Variants in ADAM32 observed in about 807,000 individuals in gnomAD.
The protein encoded by ADAM32 is ADAM metallopeptidase domain 32.
Under a neutral mutation model 114.9 loss-of-function variants are expected in ADAM32, and 89 were observed. The observed-to-expected ratio is 0.77, with a 90% CI of 0.65 to 0.92. The LOEUF is 0.92. ADAM32 is among the 40% of genes least tolerant of loss of function. ADAM32 has a pLI of 0.00. For synonymous variants in ADAM32, 285 were observed against 307.5 expected, an observed-to-expected ratio of 0.93 and a Z score of 0.77; for missense variants, 870 against 932.8, an observed-to-expected ratio of 0.93 and a Z score of 0.88.
intron 3 of ADAM32, among the ~76,000 whole-genome samples, chr8:39,139,572 C>T (rs1803016772): frequency 2.0e-5 from 3 of 152,172 alleles, no homozygotes; most frequent in Admixed American, 1.3e-4. Context: ...ATTTTGGTTA[C>T]TGTAGCCTTG....
chr8:39,226,025 C>T (rs1809345289), intron 14 of ADAM32, among the ~76,000 whole-genome samples: 1 of 151,876 alleles, frequency 6.6e-6, no homozygotes, highest in Admixed American at 6.6e-5. Context: ...TTCAAAAGAA[C>T]ACAGAGAAAC....
At chr8:39,268,738 A>T (rs959886709) in intron 19 of ADAM32, among the ~76,000 whole-genome samples, 2 of 152,156 alleles carry the variant, frequency 1.3e-5, no homozygotes, top group African/African-American at 2.4e-5. Flanking sequence ...TTGCCTTTAG[A>T]TCTATATCTA....
At chr8:39,227,886 G>A (rs1809489526) in intron 14 of ADAM32, among the ~76,000 whole-genome samples, 1 of 152,088 alleles carries the variant, frequency 6.6e-6, no homozygotes, top group African/African-American at 2.4e-5. Flanking sequence ...ACAAAAATAG[G>A]GCATTAAGCC....
At position 39,257,177 on chromosome 8, in the gene ADAM32, C is replaced by A. The variant is rs765308807; in HGVS notation, c.2006-10C>A. ...TTTTTGTTTTTTTTTTTTTGTATTT[C>A]TGTTTTTAGGTTCAATCATGGAAAG... On this transcript the variant is annotated splice_polypyrimidine_tract_variant and intron_variant, in intron 18 of 24. Coordinates refer to ENST00000379907, the MANE Select transcript of ADAM32 (RefSeq NM_145004.7). 5.2e-6 allele frequency: 7 copies of A among 1,347,412 alleles called. No individual in the cohort carries two copies. The highest frequency in any genetic ancestry group is 2.2e-5 in the South Asian group (1 of 46,128). The allele number at this position is 1,347,412 out of a possible 1,614,324, so 83.5% of individuals were successfully genotyped here. A position where few individuals can be genotyped will look rare whatever the true frequency, so the allele number is the denominator to read the frequency against.
intron 1 of ADAM32, chr8:39,108,063 T>G: frequency 8.1e-6 from 4 of 496,714 alleles, no homozygotes; most frequent in South Asian, 1.1e-4. Context: ...GCGAGCTGAT[T>G]GTTTGACCTC....
intron 6 of ADAM32, among the ~76,000 whole-genome samples, chr8:39,157,128 C>T (rs1804198981): frequency 6.6e-6 from 1 of 152,122 alleles, no homozygotes; most frequent in Non-Finnish European, 1.5e-5. Context: ...CCTCTGGCCT[C>T]CCTGGTTTCT....
chr8:39,258,784 C>T (rs549811028), intron 19 of ADAM32, among the ~76,000 whole-genome samples: 1 of 152,224 alleles, frequency 6.6e-6, no homozygotes, highest in Admixed American at 6.5e-5. Flanking sequence ...GTAAAATTTT[C>T]AGTGGGTTGT....
chr8:39,170,282 T>A (rs1267717435), intron 10 of ADAM32, among the ~76,000 whole-genome samples: 4 of 152,156 alleles, frequency 2.6e-5, no homozygotes, highest in African/African-American at 7.2e-5. Context: ...GTAAAATTTC[T>A]ATAACCCAAA....
At chr8:39,218,914 A>G (rs181861459) in intron 12 of ADAM32, among the ~76,000 whole-genome samples, 1 of 152,260 alleles carries the variant, frequency 6.6e-6, no homozygotes, top group East Asian at 1.9e-4. Context: ...CTCCAGGCCT[A>G]CAGCATACTA....
At chr8:39,206,439 G>T (rs559743702) in intron 11 of ADAM32, among the ~76,000 whole-genome samples, 1 of 152,198 alleles carries the variant, frequency 6.6e-6, no homozygotes, top group Non-Finnish European at 1.5e-5. Flanking sequence ...GTCTGCATGG[G>T]CACTGAAGTC....
chr8:39,147,208 A>G lies in ADAM32; in HGVS notation c.276+3A>G, dbSNP rs775570439. On this transcript the variant is annotated splice_donor_region_variant and intron_variant, in intron 4 of 24. Transcript: ENST00000379907. ...ATACTTATTCTTCAGATATTCAGGT[A>G]AGATTTAAATTCTGTGTTTTATAGT... The G allele has an allele frequency of 1.0e-5, 10 of 1,001,584 alleles. No individual in the cohort carries two copies. The South Asian group carries it at 2.8e-4, about 28-fold the overall frequency. 62.0% of individuals were successfully genotyped at this position (1,001,584 alleles called of 1,614,324 possible). A position where few individuals can be genotyped will look rare whatever the true frequency, so the allele number is the denominator to read the frequency against.
At chr8:39,122,111 A>T (rs1300201832) in intron 2 of ADAM32, among the ~76,000 whole-genome samples, 1 of 152,182 alleles carries the variant, frequency 6.6e-6, no homozygotes, top group African/African-American at 2.4e-5. Context: ...ATGAGTCATA[A>T]CTTGTATCTC....
intron 19 of ADAM32, among the ~76,000 whole-genome samples, chr8:39,267,540 T>C (rs1812444010): frequency 6.6e-6 from 1 of 152,196 alleles, no homozygotes; most frequent in South Asian, 2.1e-4. Context: ...AATGAAGCTG[T>C]TGTGAACCGC....
At chr8:39,191,832 T>C (rs1806633670) in intron 11 of ADAM32, among the ~76,000 whole-genome samples, 1 of 152,194 alleles carries the variant, frequency 6.6e-6, no homozygotes, top group Non-Finnish European at 1.5e-5. Flanking sequence ...CCAGTTCCTA[T>C]GTACAGAATG....
chr8:39,161,663 C>A (rs143414177), intron 7 of ADAM32, among the ~76,000 whole-genome samples: 318 of 152,182 alleles, frequency 2.1e-3, no homozygotes, highest in African/African-American at 7.4e-3. Context: ...CTATGGAATA[C>A]CACAGCGGGT....
At position 39,246,017 on chromosome 8, in the gene ADAM32, A is replaced by G. The variant is rs1810893635; in HGVS notation, c.1819-66A>G. On this transcript the variant is annotated intron_variant, in intron 16 of 24. Transcript: ENST00000379907. ...ATGCTTTTATATCATATAATTATTT[A>G]CTGTAATGTTATGATGACTGTACCC... 7.5e-6 allele frequency: 9 copies of G among 1,197,686 alleles called. No individual in the cohort carries two copies. The South Asian group carries it at 8.6e-5, about 12-fold the overall frequency. 74.2% of individuals were successfully genotyped at this position (1,197,686 alleles called of 1,614,324 possible).
chr8:39,252,446 A>G (rs1314330428), intron 17 of ADAM32, among the ~76,000 whole-genome samples: 1 of 151,604 alleles, frequency 6.6e-6, no homozygotes, highest in African/African-American at 2.4e-5. Context: ...AAACAGTACT[A>G]AAGGGAAATT....
At chr8:39,109,091 A>G (rs1247558000) in intron 1 of ADAM32, among the ~76,000 whole-genome samples, 3 of 152,230 alleles carry the variant, frequency 2.0e-5, no homozygotes, top group African/African-American at 7.2e-5. Context: ...ACAAAATTTT[A>G]ATGCAGTGGT....
chr8:39,212,780 C>G (rs551442546), intron 12 of ADAM32, among the ~76,000 whole-genome samples: 36 of 152,108 alleles, frequency 2.4e-4, no homozygotes, highest in Non-Finnish European at 4.7e-4. Flanking sequence ...AGTACAACTT[C>G]TAGGTCATAT....
Sources: gnomAD v4.1 joint callset for allele counts (sites outside exome capture counted in the v4.1 genomes callset) on GRCh38, gnomAD v4.1.1 for gene constraint, MANE v1.5 for transcripts, NCBI Gene and HGNC (gene_info 2026-07-23, HGNC 2026-07-21) for gene names.